The following CHD7 variants were observed in gnomAD, a reference collection of about 807,000 sequenced individuals.
CHD7 encodes chromodomain helicase DNA binding protein 7, also known as ATP-dependent chromatin remodeler CHD7.
CHD7 carries 24 observed loss-of-function variants against 307.3 expected under a neutral mutation model. The ratio of observed to expected loss-of-function variants is 0.08; its 90% CI spans 0.06 to 0.11. CHD7 has a LOEUF of 0.11. Ranked by LOEUF, CHD7 falls within the 10% of genes least tolerant of loss-of-function variation. The probability of loss-of-function intolerance (pLI) is 1.00; values close to 1 mark genes in which losing one functional copy is unlikely to be tolerated. For synonymous variants in CHD7, 1,363 were observed against 1,349.9 expected, an observed-to-expected ratio of 1.01 and a Z score of -0.21; for missense variants, 3,106 against 3,727.1, an observed-to-expected ratio of 0.83 and a Z score of 4.34.
chr8:60,787,670 C>T (rs749969384), intron 3 of CHD7, among the ~76,000 whole-genome samples: 8 of 152,212 alleles, frequency 5.3e-5, no homozygotes, highest in South Asian at 2.1e-4. Context: ...AGTTAGGCTT[C>T]CATTATAATG....
At chr8:60,763,520 A>G (rs573666276) in intron 2 of CHD7, among the ~76,000 whole-genome samples, 1 of 152,044 alleles carries the variant, frequency 6.6e-6, no homozygotes, top group Non-Finnish European at 1.5e-5. Context: ...TGCTTACTAG[A>G]TGAGTGGTGA....
rs16926501 is a variant in CHD7 at position 60,850,194 on chromosome 8, T to C, written c.5405-299T>C. 0.012 allele frequency among the ~76,000 whole-genome samples: 1,845 copies of C among 152,276 alleles called. 42 individuals are homozygous for C. The highest frequency in any genetic ancestry group is 0.042 in the African/African-American group (1,742 of 41,530). ...TCTAAATGTCAAGCAAAATTAGATC[T>C]GGGGAAAAATAGGGTCAGAAATCCT... On this transcript the variant is annotated intron_variant, in intron 25 of 37. Transcript: ENST00000423902.
intron 3 of CHD7, 114 bp from the exon 4 acceptor site, chr8:60,794,872 A>G: frequency 2.1e-6 from 2 of 944,206 alleles, no homozygotes; most frequent in Non-Finnish European, 1.5e-6. Flanking sequence ...AATAGCCAAT[A>G]TGTATGGATT....
chr8:60,829,606 AAAGG>A (rs1804409493), intron 14 of CHD7, among the ~76,000 whole-genome samples: 1 of 152,220 alleles, frequency 6.6e-6, no homozygotes, highest in African/African-American at 2.4e-5. Flanking sequence ...ATCTCAAAAA[AAAGG>A]AAAAGAAAAG....
chr8:60,681,756 G>A (rs1421418325), intron 1 of CHD7, among the ~76,000 whole-genome samples: 1 of 152,042 alleles, frequency 6.6e-6, no homozygotes, highest in Non-Finnish European at 1.5e-5. Flanking sequence ...AATTGGGATT[G>A]TTTTCTAGCA....
At chr8:60,779,488 T>G (rs1001483295) in intron 2 of CHD7, among the ~76,000 whole-genome samples, 7 of 152,224 alleles carry the variant, frequency 4.6e-5, no homozygotes, top group African/African-American at 1.7e-4. Flanking sequence ...GACTTTTCCT[T>G]TCTGAAAGTT....
At chr8:60,761,495 T>C (rs1180676715) in intron 2 of CHD7, among the ~76,000 whole-genome samples, 1 of 151,976 alleles carries the variant, frequency 6.6e-6, no homozygotes, top group Non-Finnish European at 1.5e-5. Context: ...AGTATAATAA[T>C]AATTAAAAAA....
At chr8:60,732,180 A>G (rs1431987202) in intron 1 of CHD7, among the ~76,000 whole-genome samples, 1 of 152,218 alleles carries the variant, frequency 6.6e-6, no homozygotes, top group Non-Finnish European at 1.5e-5. Context: ...CTTGCCTTTC[A>G]AACCAGGCAG....
Position 60,822,743 on chromosome 8 carries a change from C to T in CHD7, c.3198C>T (p.Pro1066=). 6.2e-7 allele frequency: 1 copy of T among 1,603,288 alleles called. No individual in the cohort carries two copies. ...TGTATGAAATGTACTTCAAAGATCC[C>T]CAGGTAAACCTTCACAGGTTGTATT... The part of the protein sequence containing the change: ...IQLYEMYFKD[P]QGRVIKGSYK... Residue 1066 remains proline, a synonymous_variant, in exon 12 of 38, where the codon CCC becomes CCT. Transcript: ENST00000423902.
In CHD7 at chr8:60,845,233, T is replaced by C; in HGVS notation, c.5051-17T>C. ...GAATGTAAAAGGCTTCTATTATTAT[T>C]ATGATGGTGATTCTAGGTTTGTCAG... On this transcript the variant is annotated splice_polypyrimidine_tract_variant and intron_variant, in intron 22 of 37. Transcript: ENST00000423902. 6.2e-7 allele frequency: 1 copy of C among 1,601,076 alleles called. No homozygotes were observed. Among genetic ancestry groups the C allele is most frequent in the South Asian group, 1.1e-5 (1 of 89,948 alleles).
chr8:60,824,763 C>T (rs1471811784), intron 13 of CHD7: 1 of 152,128 alleles, frequency 6.6e-6, no homozygotes. Flanking sequence ...TTCCAGCTTC[C>T]CAAGAGATGA....
At chr8:60,713,333 G>A (rs1157500462) in intron 1 of CHD7, among the ~76,000 whole-genome samples, 2 of 151,778 alleles carry the variant, frequency 1.3e-5, no homozygotes, top group Non-Finnish European at 2.9e-5. Flanking sequence ...GGCTGTTCTC[G>A]ACTCCTTACC....
At position 60,865,683 on chromosome 8, in the gene CHD7, G is replaced by C. The variant is rs775900929; in HGVS notation, c.8744G>C (p.Gly2915Ala). Residue 2915 changes from glycine to alanine, a missense_variant, in exon 38 of 38, where the codon GGA (glycine) becomes GCA (alanine). By Grantham distance (60) the Gly-to-Ala change is moderately conservative (BLOSUM62 0). Coordinates refer to ENST00000423902, the MANE Select transcript of CHD7 (RefSeq NM_017780.4). The surrounding 1 kb of genome is among the most constrained non-coding windows in gnomAD (Gnocchi z 4.3). ...PSMFLPPGLG[G>A]LTLPGFPALA... ...ATGTTTCTACCTCCAGGACTGGGGG[G>C]ATTGACGCTGCCTGGGTTCCCAGCA... is the stretch of plus-strand genomic sequence containing the variant. 6.2e-7 allele frequency: 1 copy of C among 1,605,888 alleles called. No individual in the cohort carries two copies. Among genetic ancestry groups the C allele is most frequent in the Non-Finnish European group, 8.5e-7 (1 of 1,174,528 alleles).
intron 23 of CHD7, among the ~76,000 whole-genome samples, chr8:60,847,323 G>GT (rs1342905550): frequency 6.6e-6 from 1 of 152,224 alleles, no homozygotes; most frequent in Non-Finnish European, 1.5e-5. Flanking sequence ...ACAGCATGGT[G>GT]TAGTAGAGCC....
intron 1 of CHD7, among the ~76,000 whole-genome samples, chr8:60,706,911 C>G (rs1807048957): frequency 6.6e-6 from 1 of 152,054 alleles, no homozygotes; most frequent in African/African-American, 2.4e-5. Flanking sequence ...TGTTGGTGTG[C>G]CGCACCCATT....
chr8:60,755,868 G>A (rs1301384293), intron 2 of CHD7, among the ~76,000 whole-genome samples: 1 of 152,094 alleles, frequency 6.6e-6, no homozygotes, highest in East Asian at 1.9e-4. Context: ...TTTAAAGAAG[G>A]TTTGCCGTGT....
At chr8:60,717,438 CTG>C (rs1466231847) in intron 1 of CHD7, among the ~76,000 whole-genome samples, 2 of 152,146 alleles carry the variant, frequency 1.3e-5, no homozygotes, top group African/African-American at 2.4e-5. Flanking sequence ...GAGAAAGTAA[CTG>C]TGTTCTTGAT....
chr8:60,729,949 G>A (rs1289417611), intron 1 of CHD7, among the ~76,000 whole-genome samples: 2 of 152,074 alleles, frequency 1.3e-5, no homozygotes, highest in South Asian at 2.1e-4. Context: ...CAAGAGTCTT[G>A]TACACTCATA....
intron 2 of CHD7, among the ~76,000 whole-genome samples, chr8:60,770,397 T>C (rs1168188655): frequency 6.6e-6 from 1 of 152,232 alleles, no homozygotes; most frequent in Non-Finnish European, 1.5e-5. Flanking sequence ...GCTGTTTGTT[T>C]ATTATTGCGT....
Sources: allele counts gnomAD v4.1 joint callset (sites outside exome capture counted in the v4.1 genomes callset), GRCh38; gene constraint gnomAD v4.1.1; non-coding constraint Gnocchi (gnomAD v3.1); transcripts MANE v1.5; gene names NCBI Gene and HGNC (gene_info 2026-07-23, HGNC 2026-07-21).